Variants in PARD3B observed in about 807,000 individuals in gnomAD.
PARD3B encodes the protein partitioning defective 3 homolog B.
PARD3B carries 103 observed loss-of-function variants against 130.2 expected under a neutral mutation model. The ratio of observed to expected loss-of-function variants is 0.79; its 90% CI spans 0.67 to 0.93. PARD3B has a LOEUF of 0.93. PARD3B is among the 40% of genes least tolerant of loss of function. PARD3B has a pLI of 0.00. For synonymous variants in PARD3B, 583 were observed against 553.2 expected, an observed-to-expected ratio of 1.05 and a Z score of -0.76; for missense variants, 1,609 against 1,499.2, an observed-to-expected ratio of 1.07 and a Z score of -1.21.
chr2:205,455,100 G>C (rs2106207573), intron 20 of PARD3B, among the ~76,000 whole-genome samples: 1 of 152,218 alleles, frequency 6.6e-6, no homozygotes, highest in Non-Finnish European at 1.5e-5. Flanking sequence ...TAAGGCCATA[G>C]ATTCTAAAGC....
chr2:204,850,417 G>T (rs1052863433), intron 2 of PARD3B, among the ~76,000 whole-genome samples: 2 of 151,804 alleles, frequency 1.3e-5, no homozygotes, highest in Admixed American at 1.3e-4. Context: ...TATTGTGATT[G>T]GGACTCATAG....
chr2:204,979,617 G>A (rs1692496742), intron 3 of PARD3B, among the ~76,000 whole-genome samples: 1 of 152,262 alleles, frequency 6.6e-6, no homozygotes, highest in African/African-American at 2.4e-5. Context: ...TTGAAGAATA[G>A]CAAAGCTTAC....
At chr2:204,579,766 C>A (rs10184836) in intron 1 of PARD3B, among the ~76,000 whole-genome samples, 1 of 152,158 alleles carries the variant, frequency 6.6e-6, no homozygotes, top group Admixed American at 6.5e-5. Flanking sequence ...GGGTGGACCC[C>A]TGTGTGGGGG....
intron 22 of PARD3B, among the ~76,000 whole-genome samples, chr2:205,577,658 A>G (rs1368638541): frequency 6.6e-6 from 1 of 152,248 alleles, no homozygotes; most frequent in East Asian, 1.9e-4. Context: ...CTTAAAAATG[A>G]ATTACGCTTG....
chr2:204,751,559 A>C (rs1169351617), intron 2 of PARD3B, among the ~76,000 whole-genome samples: 3 of 152,198 alleles, frequency 2.0e-5, no homozygotes, highest in Non-Finnish European at 4.4e-5. Flanking sequence ...TTCAATCCCT[A>C]CTGAAAATAA....
chr2:204,764,242 G>A (rs1439284925), intron 2 of PARD3B, among the ~76,000 whole-genome samples: 3 of 152,158 alleles, frequency 2.0e-5, no homozygotes, highest in South Asian at 2.1e-4. Context: ...TAGCTCCACC[G>A]CATCCTTCTA....
chr2:205,366,589 G>T lies in PARD3B; in HGVS notation c.2631-34424G>T, dbSNP rs1469572772. 2.0e-5 allele frequency among the ~76,000 whole-genome samples: 3 copies of T among 152,140 alleles called. No individual in the cohort carries two copies. The highest frequency in any genetic ancestry group is 2.1e-4 in the South Asian group (1 of 4,824). ...GAACACAGCTCTCTTAACTTGCAGG[G>T]TATTGCTTTATCTTATCATGCTACC... On this transcript the variant is annotated intron_variant, in intron 18 of 22. Coordinates refer to ENST00000406610, the MANE Select transcript of PARD3B (RefSeq NM_001302769.2). This position sits in a 1 kb window ranked among gnomAD's most constrained non-coding sequence, Gnocchi z 5.0.
intron 2 of PARD3B, among the ~76,000 whole-genome samples, chr2:204,946,355 C>T (rs1689321761): frequency 6.6e-6 from 1 of 152,212 alleles, no homozygotes; most frequent in Non-Finnish European, 1.5e-5. Flanking sequence ...GAGGCACAGT[C>T]AAGGCTGGGA....
intron 2 of PARD3B, among the ~76,000 whole-genome samples, chr2:204,928,533 A>C (rs188949911): frequency 6.6e-6 from 1 of 152,142 alleles, no homozygotes; most frequent in African/African-American, 2.4e-5. Context: ...TACTATCACA[A>C]TGTGACTTGG....
At chr2:205,420,536 A>G (rs1263846799) in intron 19 of PARD3B, among the ~76,000 whole-genome samples, 1 of 152,108 alleles carries the variant, frequency 6.6e-6, no homozygotes, top group Non-Finnish European at 1.5e-5. Flanking sequence ...ATATCCATCA[A>G]CACCTGCAGG....
At chr2:204,965,458 T>C in intron 3 of PARD3B, 135 bp downstream of exon 3, 1 of 976,686 alleles carries the variant, frequency 1.0e-6, no homozygotes, top group South Asian at 1.8e-5. Flanking sequence ...TTAAATTATT[T>C]TTTTACATAG....
intron 22 of PARD3B, among the ~76,000 whole-genome samples, chr2:205,583,299 T>C (rs1026845883): frequency 6.6e-6 from 1 of 152,134 alleles, no homozygotes; most frequent in African/African-American, 2.4e-5. Context: ...TCTGAGTGCA[T>C]GGCAATGATG....
intron 2 of PARD3B, among the ~76,000 whole-genome samples, chr2:204,691,978 A>G (rs894108055): frequency 1.3e-5 from 2 of 152,126 alleles, no homozygotes; most frequent in African/African-American, 4.8e-5. Context: ...TGGTAACATA[A>G]GGAGCATTTG....
At chr2:204,979,123 G>A (rs902479649) in intron 3 of PARD3B, among the ~76,000 whole-genome samples, 40 of 151,760 alleles carry the variant, frequency 2.6e-4, no homozygotes, top group Admixed American at 7.9e-4. Flanking sequence ...GGAGAATGGC[G>A]TGAACCTGGG....
chr2:204,565,701 AT>A (rs1187543385), intron 1 of PARD3B, among the ~76,000 whole-genome samples: 2 of 152,210 alleles, frequency 1.3e-5, no homozygotes, highest in Non-Finnish European at 2.9e-5. Flanking sequence ...TACATCATTC[AT>A]TCTCAAGAAA....
chr2:205,469,215 A>G (rs939789713), intron 20 of PARD3B, among the ~76,000 whole-genome samples: 7 of 152,164 alleles, frequency 4.6e-5, no homozygotes, highest in African/African-American at 1.4e-4. Context: ...GAATGAATGA[A>G]TCCAAGGGAC....
intron 16 of PARD3B, among the ~76,000 whole-genome samples, chr2:205,299,387 A>T (rs969287138): frequency 1.3e-5 from 2 of 152,126 alleles, no homozygotes; most frequent in Admixed American, 1.3e-4. Flanking sequence ...TTGTCTATTG[A>T]TAAATGACAC....
At chr2:205,095,716 G>A (rs1702355514) in intron 4 of PARD3B, among the ~76,000 whole-genome samples, 2 of 151,998 alleles carry the variant, frequency 1.3e-5, no homozygotes, top group Admixed American at 1.3e-4. Flanking sequence ...CCTGGTATCA[G>A]CTTAAGTCAA....
chr2:205,113,393 G>GTGTGTGT (rs1559450786), intron 5 of PARD3B, 98 bp from the exon 6 acceptor site: 3 of 571,592 alleles, frequency 5.2e-6, no homozygotes, highest in African/African-American at 4.6e-5. Context: ...CCTGAGCAGG[G>GTGTGTGT]GTGTGTGTGT....
Sources: gnomAD v4.1 joint callset for allele counts (sites outside exome capture counted in the v4.1 genomes callset) on GRCh38, gnomAD v4.1.1 for gene constraint, Gnocchi (gnomAD v3.1) non-coding constraint, MANE v1.5 for transcripts, NCBI Gene and HGNC (gene_info 2026-07-23, HGNC 2026-07-21) for gene names.